Variants in PPFIA4 observed in about 807,000 individuals in gnomAD.
PPFIA4 encodes the protein PPFI scaffold protein A4.
Under a neutral mutation model 145.7 loss-of-function variants are expected in PPFIA4, and 98 were observed. The ratio of observed to expected loss-of-function variants is 0.67; its 90% confidence interval spans 0.57 to 0.80. PPFIA4 has a LOEUF of 0.80. Among genes scored for constraint, PPFIA4 ranks in the 30% least tolerant of loss-of-function variants. PPFIA4 has a pLI of 0.00. For missense variants in PPFIA4, 1,457 were observed against 1,632.7 expected (o/e 0.89, Z 1.85); for synonymous variants, 628 against 649.6 (o/e 0.97, Z 0.51).
chr1:203,044,813 G>T (rs779085265), intron 6 of PPFIA4, 28 bp downstream of exon 6: 2 of 1,547,012 alleles, frequency 1.3e-6, no homozygotes, highest in Non-Finnish European at 1.7e-6. Context: ...GTGTAGCAGG[G>T]GTCATGTGTT....
intron 1 of PPFIA4, chr1:203,035,178 C>T (rs559207058): frequency 8.6e-5 from 35 of 408,410 alleles, no homozygotes; most frequent in South Asian, 2.4e-4. Flanking sequence ...TGTTTTCCCT[C>T]GTGGCTGCCA....
chr1:203,046,558 C>A (rs1660102775), intron 9 of PPFIA4, 176 bp downstream of exon 9: 2 of 671,286 alleles, frequency 3.0e-6, no homozygotes, highest in Admixed American at 3.2e-5. Context: ...GAAGAGTAAT[C>A]CCTGTCCTCA....
chr1:203,069,052 C>G (rs1371815373), intron 27 of PPFIA4, among the ~76,000 whole-genome samples: 2 of 152,182 alleles, frequency 1.3e-5, no homozygotes, highest in Non-Finnish European at 2.9e-5. Context: ...GTCTACCACC[C>G]TAGGGATCTG....
intron 27 of PPFIA4, among the ~76,000 whole-genome samples, chr1:203,070,396 C>T (rs1179995764): frequency 6.6e-6 from 1 of 151,912 alleles, no homozygotes; most frequent in East Asian, 1.9e-4. Flanking sequence ...GCCTGGGCAA[C>T]ATAGTGAGAC....
rs1662494252 is a variant in PPFIA4, at chr1:203,075,822, C to T, written c.3574+65C>T. 2 of 1,332,056 alleles carry T rather than the reference C, an allele frequency of 1.5e-6. No individual in the cohort carries two copies. The highest frequency in any genetic ancestry group is 1.9e-6 in the Non-Finnish European group (2 of 1,033,810). 82.5% of individuals were successfully genotyped at this position (1,332,056 alleles called of 1,614,324 possible). Reference sequence around the variant, plus strand: ...GAGCGCGGGCTTCTTCCTGGCACCCCAGGGCCGGGCCGGGTGGAGAGGGGC... The same window carrying T: ...GAGCGCGGGCTTCTTCCTGGCACCCTAGGGCCGGGCCGGGTGGAGAGGGGC... On this transcript the variant is annotated intron_variant, in intron 29 of 29. Transcript: ENST00000295706. This position sits in a 1 kb window ranked among gnomAD's most constrained non-coding sequence, Gnocchi z 4.1.
intron 19 of PPFIA4, among the ~76,000 whole-genome samples, chr1:203,058,589 TG>T (rs773630902): frequency 4.6e-5 from 7 of 152,142 alleles, no homozygotes; most frequent in Admixed American, 2.6e-4. Context: ...CTGTGCACTG[TG>T]GGGGGGTGAC....
intron 18 of PPFIA4, 102 bp downstream of exon 18, chr1:203,056,610 A>T: frequency 6.9e-7 from 1 of 1,456,394 alleles, no homozygotes; most frequent in Non-Finnish European, 9.3e-7. Flanking sequence ...CCAGTTTCTG[A>T]ATGTCTTACT....
intron 19 of PPFIA4, among the ~76,000 whole-genome samples, chr1:203,058,024 G>A (rs7516201): frequency 0.38 from 57,352 of 152,016 alleles, 11,000 homozygotes; most frequent in Middle Eastern, 0.44. Context: ...GGCCAGCTGT[G>A]AGGGCCTTGC....
chr1:203,055,037 C>T lies in PPFIA4; in HGVS notation c.1830-395C>T, dbSNP rs1660824947. On this transcript the variant is annotated intron_variant, in intron 15 of 29. Coordinates refer to ENST00000295706, the MANE Select transcript of PPFIA4 (RefSeq NM_001304331.2). This position sits in a 1 kb window ranked among gnomAD's most constrained non-coding sequence, Gnocchi z 4.8. The stretch of plus-strand genomic sequence containing the variant: ...TTCTGTGGAACAGGGAAAACCCCAC[C>T]AGGGGTCAGCATCATTTAAAAGTCC... Among the ~76,000 whole-genome samples the T allele has an allele frequency of 6.6e-6, 1 of 152,176 alleles. No homozygotes were observed. The highest frequency in any genetic ancestry group is 2.1e-4 in the South Asian group (1 of 4,828).
At position 203,052,800 on chromosome 1, in the gene PPFIA4, G is replaced by A. The variant is rs191981958; in HGVS notation, c.1620+923G>A. On this transcript the variant is annotated intron_variant, in intron 14 of 29. Transcript: ENST00000295706. ...CCTCCCCTCTTCTGGGCCTTTGTCC[G>A]CTGGATAGGTTTGTAGGATGATTTC... is the stretch of plus-strand genomic sequence containing the variant. Among the ~76,000 whole-genome samples the A allele has an allele frequency of 3.4e-4, 51 of 152,226 alleles. 1 individual carries two copies. The East Asian group carries it at 6.6e-3, about 20-fold the overall frequency.
chr1:203,056,661 C>T, intron 18 of PPFIA4, 123 bp from the exon 19 acceptor site: 1 of 1,304,094 alleles, frequency 7.7e-7, no homozygotes, highest in South Asian at 1.4e-5. Context: ...TCATGTGTCT[C>T]CTTTTCCCCC....
rs1021597088 is a variant in PPFIA4, at chr1:203,043,106, A to G, written c.235-291A>G. The stretch of plus-strand genomic sequence containing the variant: ...GTAATCTGGTCATATTGGTGGCTGG[A>G]TGGGGAAGGGTCTGCAGAGCAGACT... On this transcript the variant is annotated intron_variant, in intron 2 of 29. Transcript: ENST00000295706. The surrounding 1 kb of genome is among the most constrained non-coding windows in gnomAD (Gnocchi z 4.4). Among the ~76,000 whole-genome samples, 1 of 152,132 alleles carries G rather than the reference A, an allele frequency of 6.6e-6. No homozygotes were observed. Among genetic ancestry groups the G allele is most frequent in the Non-Finnish European group, 1.5e-5 (1 of 68,022 alleles).
rs1011613013 is a variant in PPFIA4 at position 203,039,385 on chromosome 1, C to T, written c.234+143C>T. On this transcript the variant is annotated intron_variant, in intron 2 of 29. Coordinates refer to ENST00000295706, the MANE Select transcript of PPFIA4 (RefSeq NM_001304331.2). ...GCATTTACTCTCCTTCATCTCTCTA[C>T]GTGAATTCTTTCCCTGTCACTCCCA... 29 of 639,434 alleles carry T rather than the reference C, an allele frequency of 4.5e-5. No individual in the cohort carries two copies. The Admixed American group carries it at 6.9e-4, about 15-fold the overall frequency. The allele number at this position is 639,434 out of a possible 1,614,324, so 39.6% of individuals were successfully genotyped here.
In PPFIA4 at chr1:203,056,408, A is replaced by G; in HGVS notation, c.2140A>G (p.Lys714Glu). 6.2e-7 allele frequency: 1 copy of G among 1,613,990 alleles called. No homozygotes were observed. Among genetic ancestry groups the G allele is most frequent in the Non-Finnish European group, 8.5e-7 (1 of 1,179,882 alleles). ...PVSREENRED[K>E]ATIKCETSPP... ...GTCTCGGGAAGAGAACCGAGAGGAT[A>G]AAGCCACCATAAAATGTGAGACTTC... Residue 714 changes from lysine (K) to glutamate (E), a missense_variant, in exon 18 of 30, where the codon AAA (lysine) becomes GAA (glutamate). Lys to Glu is a moderately conservative substitution (Grantham distance 56). Coordinates refer to ENST00000295706, the MANE Select transcript of PPFIA4 (RefSeq NM_001304331.2).
intron 29 of PPFIA4, chr1:203,076,135 C>T (rs929100020): frequency 4.8e-6 from 3 of 630,838 alleles, no homozygotes; most frequent in Non-Finnish European, 8.3e-6. Flanking sequence ...GCCCCACGCA[C>T]CTGCCCTTGG....
chr1:203,035,393 G>A (rs1659166359), intron 1 of PPFIA4: 4 of 442,332 alleles, frequency 9.0e-6, no homozygotes, highest in South Asian at 6.3e-5. Flanking sequence ...CATCCCTCCT[G>A]TGTGTTAGGA....
Position 203,048,206 on chromosome 1 carries a change from C to G in PPFIA4, c.1141-21C>G, listed in dbSNP as rs773707570. 1.2e-5 allele frequency: 19 copies of G among 1,611,050 alleles called. No homozygotes were observed. The highest frequency in any genetic ancestry group is 1.5e-5 in the Non-Finnish European group (18 of 1,178,790). ...GAAGAACAGAGATCTGCGGGCTGCA[C>G]CGACCCATCCCTGCCCCTAGGCTGA... is the stretch of plus-strand genomic sequence containing the variant. On this transcript the variant is annotated intron_variant, in intron 9 of 29. Coordinates refer to ENST00000295706, the MANE Select transcript of PPFIA4 (RefSeq NM_001304331.2). The surrounding 1 kb of genome is among the most constrained non-coding windows in gnomAD (Gnocchi z 5.8).
intron 1 of PPFIA4, chr1:203,035,722 C>G: frequency 2.2e-6 from 1 of 450,866 alleles, no homozygotes; most frequent in East Asian, 7.0e-5. Context: ...TAAAGACGGC[C>G]CTGGAGCCAG....
At chr1:203,070,412 C>A (rs1447090868) in intron 27 of PPFIA4, among the ~76,000 whole-genome samples, 1 of 151,928 alleles carries the variant, frequency 6.6e-6, no homozygotes, top group East Asian at 1.9e-4. Context: ...GAGACCCAGT[C>A]TCTACAAAAA....
Sources: gnomAD v4.1 joint callset for allele counts (sites outside exome capture counted in the v4.1 genomes callset) on GRCh38, gnomAD v4.1.1 for gene constraint, Gnocchi (gnomAD v3.1) non-coding constraint, MANE v1.5 for transcripts, NCBI Gene and HGNC (gene_info 2026-07-23, HGNC 2026-07-21) for gene names.